CSF1R: variants seen among roughly 807,000 people sequenced by gnomAD.
The protein encoded by CSF1R is colony stimulating factor 1 receptor.
In CSF1R, 40 loss-of-function variants were observed where a neutral mutation model predicts 110.0. The ratio of observed to expected loss-of-function variants is 0.36; its 90% CI spans 0.28 to 0.47. The LOEUF (loss-of-function observed/expected upper bound fraction) is 0.47, where lower values mean the gene tolerates loss of function less well. Ranked by LOEUF, CSF1R falls within the 20% of genes least tolerant of loss-of-function variation. The pLI, the probability that CSF1R is intolerant of heterozygous loss-of-function variation, is 0.99. For synonymous variants in CSF1R, 523 were observed against 503.4 expected (o/e 1.04, Z -0.52); for missense variants, 1,052 against 1,253.0 (o/e 0.84, Z 2.42).
chr5:150,057,671 AC>A, intron 14 of CSF1R, 79 bp from the exon 15 acceptor site: 2 of 1,026,626 alleles, frequency 1.9e-6, no homozygotes, highest in Non-Finnish European at 3.0e-6. Context: ...ACCACCCACC[AC>A]CCCATGGTCA....
At chr5:150,082,579 T>A (rs1416591148) in intron 1 of CSF1R, among the ~76,000 whole-genome samples, 6 of 152,256 alleles carry the variant, frequency 3.9e-5, no homozygotes. Context: ...GAGCTGGGGC[T>A]GCCCTATCAC....
chr5:150,059,649 G>A (rs368117743), intron 14 of CSF1R, 51 bp downstream of exon 14: 21 of 1,597,378 alleles, frequency 1.3e-5, no homozygotes, highest in East Asian at 6.7e-5. Flanking sequence ...AGACAGACTC[G>A]GATCCTGCCT....
At chr5:150,077,193 G>A (rs1581317184) in intron 5 of CSF1R, 83 bp downstream of exon 5, 1 of 1,561,330 alleles carries the variant, frequency 6.4e-7, no homozygotes, top group East Asian at 2.2e-5. Flanking sequence ...CTCCTTCCCT[G>A]ACATCAGCTT....
At chr5:150,061,140 G>C (rs1437710302) in intron 12 of CSF1R, among the ~76,000 whole-genome samples, 168 bp from the exon 13 acceptor site, 1 of 152,216 alleles carries the variant, frequency 6.6e-6, no homozygotes, top group African/African-American at 2.4e-5. Context: ...CAGACACACA[G>C]ATGGCAGAGA....
chr5:150,077,981 C>A (rs200292990), intron 4 of CSF1R, 131 bp downstream of exon 4: 1 of 1,213,262 alleles, frequency 8.2e-7, no homozygotes, highest in South Asian at 1.4e-5. Context: ...GTCTGCACCC[C>A]TCTCTGGAGT....
At chr5:150,057,623 G>T (rs1243583580) in intron 14 of CSF1R, 31 bp from the exon 15 acceptor site, 4 of 1,532,638 alleles carry the variant, frequency 2.6e-6, no homozygotes, top group Non-Finnish European at 3.6e-6. Flanking sequence ...GGGGGCAGAG[G>T]TCACTCATCA....
In CSF1R at chr5:150,084,343, A is replaced by AAAAGAAAGAAAGAAAGAGAG. The variant is rs1758702810; in HGVS notation, c.49+2035_49+2036insCTCTCTTTCTTTCTTTCTTT. On this transcript the variant is annotated intron_variant, in intron 1 of 20. Transcript: ENST00000675795. ...AAGACTCGGTCTCAAAAAGATAGAA[A>AAAAGAAAGAAAGAAAGAGAG]AAAGAAAGAAAGAAAGAAAGAAAGA... is the stretch of plus-strand genomic sequence containing the variant. Among the ~76,000 whole-genome samples the AAAAGAAAGAAAGAAAGAGAG allele has an allele frequency of 4.7e-5, 4 of 84,568 alleles. 1 individual carries two copies. The highest frequency in any genetic ancestry group is 1.2e-3 in the East Asian group (2 of 1,670). 55.5% of individuals were successfully genotyped at this position (84,568 alleles called of 152,430 possible).
upstream of CSF1R, among the ~76,000 whole-genome samples, chr5:150,091,508 A>G (rs1044333852): frequency 5.3e-5 from 8 of 152,242 alleles, no homozygotes; most frequent in African/African-American, 1.9e-4. Flanking sequence ...CAATGAAGCC[A>G]GTAGCAAAAT....
Position 150,059,790 on chromosome 5 carries a change from G to A in CSF1R, c.2042C>T (p.Ala681Val), listed in dbSNP as rs765214576. 6.2e-7 allele frequency: 1 copy of A among 1,614,190 alleles called. No individual in the cohort carries two copies. Among genetic ancestry groups the A allele is most frequent in the Admixed American group, 1.7e-5 (1 of 60,012 alleles). ...GGGGCTCAGGCTGGGTCCCAGCATGGCCTCAGCCTTCCTTCGCAGAAAGTT... is the reference window on the plus strand; with the variant it reads ...GGGGCTCAGGCTGGGTCCCAGCATGACCTCAGCCTTCCTTCGCAGAAAGTT... Reference protein sequence around the residue: ...LLNFLRRKAEAMLGPSLSPGQ... With the variant: ...LLNFLRRKAEVMLGPSLSPGQ... The change falls in exon 14 of 21, where the codon GCC becomes GTC. Residue 681 changes from alanine to valine, a missense_variant. Ala to Val is a moderately conservative substitution (Grantham distance 64). Transcript: ENST00000675795.
At chr5:150,061,065 G>T (rs1247476500) in intron 12 of CSF1R, 93 bp from the exon 13 acceptor site, 9 of 892,930 alleles carry the variant, frequency 1.0e-5, no homozygotes, top group Non-Finnish European at 1.6e-5. Context: ...AGACCCAGGG[G>T]AGAAAGCAGG....
At chr5:150,102,995 C>T (rs530080214) in intron 1 of CSF1R, among the ~76,000 whole-genome samples, 1 of 152,150 alleles carries the variant, frequency 6.6e-6, no homozygotes, top group Admixed American at 6.5e-5. Context: ...TTATTGTTTA[C>T]GAGGCACTTT....
chr5:150,065,381 G>T (rs2113799163), intron 10 of CSF1R, among the ~76,000 whole-genome samples: 1 of 152,308 alleles, frequency 6.6e-6, no homozygotes, highest in African/African-American at 2.4e-5. Flanking sequence ...TGCTGCCTCA[G>T]CCATTTCCCT....
intron 3 of CSF1R, among the ~76,000 whole-genome samples, chr5:150,079,729 G>C (rs1188724244): frequency 1.3e-5 from 2 of 151,938 alleles, no homozygotes; most frequent in African/African-American, 4.9e-5. Context: ...CTCTAATAAA[G>C]TGTTTCCTTC....
chr5:150,054,966 C>T, intron 19 of CSF1R: 1 of 414,654 alleles, frequency 2.4e-6, no homozygotes, highest in Admixed American at 3.7e-5. Context: ...TGCGCTCCAG[C>T]CCGGGCTACA....
At position 150,060,737 on chromosome 5, in the gene CSF1R, G is replaced by A. The variant is rs893634974; in HGVS notation, c.1969+125C>T. On this transcript the variant is annotated intron_variant, in intron 13 of 20. Coordinates refer to ENST00000675795, the MANE Select transcript of CSF1R (RefSeq NM_001288705.3). ...CAGGAGTTTAAGGGATGCTGTGACC[G>A]GGATCCCCCTGACACTTGGAGCAGT... is the stretch of plus-strand genomic sequence containing the variant. The A allele has an allele frequency of 1.2e-4, 72 of 622,038 alleles. No individual in the cohort carries two copies. Among genetic ancestry groups the A allele is most frequent in the Non-Finnish European group, 1.7e-4 (59 of 353,476 alleles). 38.5% of individuals were successfully genotyped at this position (622,038 alleles called of 1,614,324 possible). A position where few individuals can be genotyped will look rare whatever the true frequency, so the allele number is the denominator to read the frequency against.
intron 1 of CSF1R, among the ~76,000 whole-genome samples, chr5:150,104,130 C>G (rs575739068): frequency 2.6e-5 from 4 of 152,314 alleles, no homozygotes; most frequent in Non-Finnish European, 5.9e-5. Flanking sequence ...CTTGAGGAAA[C>G]CTGGGCACCC....
At chr5:150,088,268 A>G (rs147756706), upstream of CSF1R, among the ~76,000 whole-genome samples, 419 of 152,344 alleles carry the variant, frequency 2.8e-3, 2 homozygotes, top group African/African-American at 9.1e-3. Flanking sequence ...CTATAACAAG[A>G]AAAGAAATTT....
intron 1 of CSF1R, among the ~76,000 whole-genome samples, chr5:150,108,877 G>A (rs896331209): frequency 6.6e-6 from 1 of 152,160 alleles, no homozygotes; most frequent in Non-Finnish European, 1.5e-5. Context: ...GGTGAGGGAA[G>A]AGCCAGCTGG....
At chr5:150,105,284 G>A (rs1348076559) in intron 1 of CSF1R, among the ~76,000 whole-genome samples, 1 of 143,410 alleles carries the variant, frequency 7.0e-6, no homozygotes, top group Non-Finnish European at 1.5e-5. Flanking sequence ...GGAGGCGGAG[G>A]TTGCAGTGAG....
Sources: allele counts gnomAD v4.1 joint callset (sites outside exome capture counted in the v4.1 genomes callset), GRCh38; gene constraint gnomAD v4.1.1; transcripts MANE v1.5; gene names NCBI Gene and HGNC (gene_info 2026-07-23, HGNC 2026-07-21).